Variants in RIF1 observed in about 807,000 individuals in gnomAD.
RIF1 encodes telomere-associated protein RIF1.
Under a neutral mutation model 247.1 loss-of-function variants are expected in RIF1, and 45 were observed. That is an observed-to-expected ratio of 0.18 (90% CI 0.14 to 0.23). The LOEUF is 0.23. RIF1 is among the 10% of genes least tolerant of loss of function. The probability of loss-of-function intolerance (pLI) is 1.00; values close to 1 mark genes in which losing one functional copy is unlikely to be tolerated. For synonymous variants in RIF1, 1,087 were observed against 978.8 expected, an observed-to-expected ratio of 1.11 and a Z score of -2.06; for missense variants, 2,967 against 2,862.5, an observed-to-expected ratio of 1.04 and a Z score of -0.83.
chr2:151,452,559 C>T (rs892073377), intron 21 of RIF1, among the ~76,000 whole-genome samples: 1 of 152,156 alleles, frequency 6.6e-6, no homozygotes, highest in Non-Finnish European at 1.5e-5. Context: ...ACATGTTAAG[C>T]TCCTGAAGTA....
intron 1 of RIF1, 102 bp downstream of exon 1, chr2:151,410,135 C>T: frequency 1.5e-6 from 1 of 677,496 alleles, no homozygotes; most frequent in Non-Finnish European, 2.7e-6. Context: ...CGGGCTTCTC[C>T]CGCCCTCCGC....
At chr2:151,496,481 C>T in intron 10 of RIF1, 2 of 1,462,374 alleles carry the variant, frequency 1.4e-6, no homozygotes, top group Non-Finnish European at 1.8e-6. Flanking sequence ...GTCCAAGGAG[C>T]CAGAAGTTAT....
At chr2:151,433,710 C>A (rs1157006565) in intron 10 of RIF1, among the ~76,000 whole-genome samples, 5 of 152,118 alleles carry the variant, frequency 3.3e-5, no homozygotes, top group Non-Finnish European at 7.3e-5. Context: ...CCATGCCAGC[C>A]TCCCAAAATG....
chr2:151,533,567 G>T, the RIF1 span: 10 of 1,472,790 alleles, frequency 6.8e-6, no homozygotes, highest in Admixed American at 1.2e-4. Context: ...AAAGAGCAGT[G>T]AAGCACAAAA....
the RIF1 span, chr2:151,526,846 G>T: frequency 9.2e-7 from 1 of 1,084,416 alleles, no homozygotes; most frequent in Non-Finnish European, 1.4e-6. Flanking sequence ...CTTCCCTGGT[G>T]TCCCTGGGGA....
chr2:151,463,039 A>T lies in RIF1; in HGVS notation c.3519A>T (p.Arg1173Ser), dbSNP rs767679234. Residue 1173 changes from arginine (R) to serine (S), a missense_variant, in exon 30 of 36, where the codon AGA becomes AGT. By Grantham distance (110) the Arg-to-Ser change is moderately radical (BLOSUM62 -1). Around this residue, in one of 7 missense-constraint regions of RIF1, gnomAD observed 2,028 missense variants for 1,825.6 expected, o/e 1.11. Coordinates refer to ENST00000444746, the MANE Select transcript of RIF1 (RefSeq NM_018151.5). Reference protein sequence around the residue: ...PEMSNSNNDERKKALISSRKT... With the variant: ...PEMSNSNNDESKKALISSRKT... ...TGTCAAACAGTAATAATGATGAAAG[A>T]AAAAAAGCTTTAATTTCATCAAGGA... The T allele has an allele frequency of 1.2e-6, 2 of 1,613,828 alleles. No homozygotes were observed. The highest frequency in any genetic ancestry group is 3.3e-5 in the Admixed American group (2 of 59,994).
chr2:151,507,936 A>T (rs1358914409), exon 14 of RIF1: 6 of 1,094,880 alleles, frequency 5.5e-6, no homozygotes, highest in Non-Finnish European at 8.2e-6. Context: ...AGCCTGGGAT[A>T]TCCAGAGGCA....
At position 151,437,020 on chromosome 2, in the gene RIF1, A is replaced by G. The variant is rs763038069; in HGVS notation, c.1372+17A>G. The G allele has an allele frequency of 1.3e-6, 2 of 1,595,666 alleles. No homozygotes were observed. The highest frequency in any genetic ancestry group is 2.7e-5 in the African/African-American group (2 of 73,900). On this transcript the variant is annotated intron_variant, in intron 12 of 35. Coordinates refer to ENST00000444746, the MANE Select transcript of RIF1 (RefSeq NM_018151.5). ...TGAGCTTAGGTATTTAAAGGTTTTA[A>G]GAATAATTTTAATTACTAAAACAGT...
At position 151,463,990 on chromosome 2, in the gene RIF1, T is replaced by A. The variant is rs753649338; in HGVS notation, c.4470T>A (p.Leu1490=). The A allele has an allele frequency of 6.2e-7, 1 of 1,608,496 alleles. No homozygotes were observed. Among genetic ancestry groups the A allele is most frequent in the African/African-American group, 1.3e-5 (1 of 74,206 alleles). Residue 1490 remains leucine, a synonymous_variant, in exon 30 of 36, where the codon CTT becomes CTA. Coordinates refer to ENST00000444746, the MANE Select transcript of RIF1 (RefSeq NM_018151.5). ...EKGSNLHEKT[L]GETSANAETE... ...GAAGTAATTTACATGAGAAGACTCT[T>A]GGGGAAACTAGTGCTAATGCAGAAA... is the stretch of plus-strand genomic sequence containing the variant.
At chr2:151,428,543 ATATT>A (rs1174972508) in intron 8 of RIF1, among the ~76,000 whole-genome samples, 1 of 152,174 alleles carries the variant, frequency 6.6e-6, no homozygotes, top group African/African-American at 2.4e-5. Flanking sequence ...CAAACTTTAT[ATATT>A]TTGTGATCTT....
intron 20 of RIF1, 111 bp downstream of exon 20, chr2:151,446,686 G>A (rs548108443): frequency 3.3e-5 from 35 of 1,052,628 alleles, no homozygotes; most frequent in Non-Finnish European, 4.3e-5. Context: ...ATTTATATGT[G>A]ATAAAGTTGA....
chr2:151,410,411 C>G lies in RIF1; in HGVS notation c.-10-3C>G. The G allele has an allele frequency of 6.2e-7, 1 of 1,611,434 alleles. No individual in the cohort carries two copies. Among genetic ancestry groups the G allele is most frequent in the Non-Finnish European group, 8.5e-7 (1 of 1,178,734 alleles). ...TTTTCTCCTCTTCCGGTTCGGGCCT[C>G]AGGGTGGCCGACATGACGGCCAGGG... is the stretch of plus-strand genomic sequence containing the variant. On this transcript the variant is annotated splice_polypyrimidine_tract_variant and splice_region_variant and intron_variant, in intron 1 of 35. Coordinates refer to ENST00000444746, the MANE Select transcript of RIF1 (RefSeq NM_018151.5).
chr2:151,456,653 T>G, intron 23 of RIF1, 33 bp downstream of exon 23: 1 of 1,237,870 alleles, frequency 8.1e-7, no homozygotes, highest in Non-Finnish European at 1.2e-6. Flanking sequence ...AAACCATACT[T>G]TCATGATGAG....
chr2:151,513,479 C>G, the RIF1 span: 1 of 810,944 alleles, frequency 1.2e-6, no homozygotes, highest in Non-Finnish European at 2.0e-6. Flanking sequence ...CCATTGTATG[C>G]ATGTGACTGT....
rs1030563077 is a variant in RIF1 at position 151,498,290 on chromosome 2, T to C, written c.*514-1055T>C. The C allele has an allele frequency of 3.4e-5, 53 of 1,551,458 alleles. No individual in the cohort carries two copies. The highest frequency in any genetic ancestry group is 4.4e-5 in the Non-Finnish European group (51 of 1,146,878). The stretch of plus-strand genomic sequence containing the variant: ...TAAGGTTTTCTTGATTGTGTTTGAC[T>C]CTCTGCATCTCAGGAGTGATGGGGA... On this transcript the variant is annotated intron_variant and NMD_transcript_variant, in intron 10 of 13. Transcript: ENST00000454583.
intron 9 of RIF1, among the ~76,000 whole-genome samples, chr2:151,490,983 C>G (rs1157054863): frequency 1.3e-5 from 2 of 151,934 alleles, no homozygotes; most frequent in Non-Finnish European, 2.9e-5. Flanking sequence ...ACTTCTGTGT[C>G]TTGATCAGAA....
At chr2:151,526,808 G>T in the RIF1 span, 1 of 815,300 alleles carries the variant, frequency 1.2e-6, no homozygotes. Context: ...CCATACCTGA[G>T]CCCTGATGGA....
intron 16 of RIF1, among the ~76,000 whole-genome samples, 180 bp downstream of exon 16, chr2:151,442,171 G>A (rs1442445843): frequency 1.3e-5 from 2 of 151,414 alleles, no homozygotes; most frequent in Admixed American, 6.6e-5. Flanking sequence ...CGCCTCCCAG[G>A]TTCAAGCTAT....
chr2:151,436,962 C>T lies in RIF1; in HGVS notation c.1331C>T (p.Ala444Val). 4 of 1,613,350 alleles carry T rather than the reference C, an allele frequency of 2.5e-6. No homozygotes were observed. The highest frequency in any genetic ancestry group is 3.4e-6 in the Non-Finnish European group (4 of 1,179,816). The change falls in exon 12 of 36, where the codon GCC (alanine) becomes GTC (valine). Residue 444 changes from alanine to valine, a missense_variant. This residue lies in a region of RIF1 where 369 missense variants were observed against 322.0 expected (regional missense o/e 1.15). Transcript: ENST00000444746. ...CTTCATTTCTTGTTGGGTCCAGAAGCCTTGAGTTTTGCTAAGCAAAATAAA... is the reference window on the plus strand; with the variant it reads ...CTTCATTTCTTGTTGGGTCCAGAAGTCTTGAGTTTTGCTAAGCAAAATAAA... ...MLLHFLLGPE[A>V]LSFAKQNKLV...
Sources: allele counts gnomAD v4.1 joint callset (sites outside exome capture counted in the v4.1 genomes callset), GRCh38; gene constraint gnomAD v4.1.1; regional missense constraint gnomAD v4.1.1; transcripts MANE v1.5; gene names NCBI Gene and HGNC (gene_info 2026-07-23, HGNC 2026-07-21).